SAMMSON: variants seen among roughly 807,000 people sequenced by gnomAD.
SAMMSON encodes long intergenic non-protein coding RNA 1212.
intron 6 of SAMMSON, among the ~76,000 whole-genome samples, chr3:70,255,798 A>T (rs1701810143): frequency 6.6e-6 from 1 of 152,168 alleles, no homozygotes; most frequent in Admixed American, 6.5e-5. Flanking sequence ...CCCTCTGAAC[A>T]TTAGGAATTG....
chr3:70,073,930 T>G (rs1456493201), intron 4 of SAMMSON, among the ~76,000 whole-genome samples: 2 of 152,050 alleles, frequency 1.3e-5, no homozygotes, highest in Admixed American at 1.3e-4. Flanking sequence ...TTATAGGAAT[T>G]TTAGATGTGA....
At chr3:70,059,406 T>G (rs2067179446) in intron 3 of SAMMSON, among the ~76,000 whole-genome samples, 1 of 152,058 alleles carries the variant, frequency 6.6e-6, no homozygotes, top group South Asian at 2.1e-4. Context: ...ATTCCCATGA[T>G]CTGCCATCTG....
At chr3:70,019,737 T>C (rs540543154) in intron 3 of SAMMSON, among the ~76,000 whole-genome samples, 3 of 152,314 alleles carry the variant, frequency 2.0e-5, no homozygotes, top group African/African-American at 7.2e-5. Context: ...TTCCTTTCCA[T>C]GTTTGTGCTT....
chr3:70,045,625 A>G (rs1334593792), intron 3 of SAMMSON, among the ~76,000 whole-genome samples: 2 of 152,044 alleles, frequency 1.3e-5, no homozygotes, highest in African/African-American at 4.8e-5. Flanking sequence ...GTCCAAAAAC[A>G]TGATGCATTC....
intron 2 of SAMMSON, among the ~76,000 whole-genome samples, chr3:70,431,584 AT>A (rs1394540292): frequency 6.6e-6 from 1 of 152,082 alleles, no homozygotes; most frequent in African/African-American, 2.4e-5. Flanking sequence ...AATATATTTT[AT>A]TGTGCTGGCC....
chr3:70,354,929 A>G (rs1022043737), intron 8 of SAMMSON, among the ~76,000 whole-genome samples: 5 of 152,090 alleles, frequency 3.3e-5, no homozygotes, highest in African/African-American at 1.2e-4. Context: ...AAATCCTTGG[A>G]CTTTTAATCA....
chr3:70,113,950 T>G (rs1170889829), intron 4 of SAMMSON, among the ~76,000 whole-genome samples: 1 of 152,194 alleles, frequency 6.6e-6, no homozygotes, highest in African/African-American at 2.4e-5. Context: ...AAATGGCACC[T>G]TGATCTTGGA....
At chr3:70,113,543 G>A (rs2067398291) in intron 4 of SAMMSON, among the ~76,000 whole-genome samples, 1 of 152,182 alleles carries the variant, frequency 6.6e-6, no homozygotes. Context: ...GATTTAAATA[G>A]TGAAGGCAGA....
At chr3:70,180,893 G>C (rs1379225832) in intron 4 of SAMMSON, among the ~76,000 whole-genome samples, 1 of 152,174 alleles carries the variant, frequency 6.6e-6, no homozygotes, top group Non-Finnish European at 1.5e-5. Flanking sequence ...GGTGGGGAAA[G>C]AGAACAAAGC....
intron 3 of SAMMSON, among the ~76,000 whole-genome samples, chr3:70,021,349 C>G (rs965611897): frequency 6.6e-6 from 1 of 152,038 alleles, no homozygotes; most frequent in Non-Finnish European, 1.5e-5. Context: ...TATATGGCCT[C>G]TTTTTCAGCC....
chr3:70,404,458 T>A (rs1701164514), intron 2 of SAMMSON, among the ~76,000 whole-genome samples: 1 of 152,042 alleles, frequency 6.6e-6, no homozygotes, highest in Admixed American at 6.5e-5. Flanking sequence ...GAAGACCAGA[T>A]GGGAAGGAGC....
intron 6 of SAMMSON, among the ~76,000 whole-genome samples, chr3:70,277,670 G>A (rs1176297319): frequency 2.0e-5 from 3 of 152,148 alleles, no homozygotes; most frequent in African/African-American, 7.2e-5. Flanking sequence ...CGAGTATGGG[G>A]AGGATCTCAC....
intron 6 of SAMMSON, among the ~76,000 whole-genome samples, chr3:70,253,465 T>C (rs937176780): frequency 1.3e-5 from 2 of 152,000 alleles, no homozygotes; most frequent in Admixed American, 6.5e-5. Context: ...TTGAAAATGT[T>C]TCATCCAGCT....
intron 4 of SAMMSON, among the ~76,000 whole-genome samples, chr3:70,242,991 A>G (rs1262058933): frequency 2.6e-5 from 4 of 152,218 alleles, no homozygotes; most frequent in Non-Finnish European, 5.9e-5. Context: ...CTAATTTCCC[A>G]AGAGCAGAAC....
In SAMMSON at chr3:70,259,416, T is replaced by A. The variant is rs536180100; in HGVS notation, n.674+9746T>A. Among the ~76,000 whole-genome samples the A allele has an allele frequency of 8.9e-3, 1,285 of 144,268 alleles. 7 individuals are homozygous for A. The highest frequency in any genetic ancestry group is 0.014 in the Admixed American group (200 of 14,464). 94.6% of individuals were successfully genotyped at this position (144,268 alleles called of 152,430 possible). A position where few individuals can be genotyped will look rare whatever the true frequency, so the allele number is the denominator to read the frequency against. On this transcript the variant is annotated intron_variant and non_coding_transcript_variant, in intron 6 of 9. Coordinates refer to ENST00000642114, the Ensembl canonical transcript of SAMMSON. ...CCTTGAATAAAAATTTATTGACTTTTAAAAAAAAAAAAGAAAGAAAGTAAG... is the reference window on the plus strand; with the variant it reads ...CCTTGAATAAAAATTTATTGACTTTAAAAAAAAAAAAAGAAAGAAAGTAAG...
At chr3:70,215,539 A>G (rs1182411354) in intron 4 of SAMMSON, among the ~76,000 whole-genome samples, 1 of 152,076 alleles carries the variant, frequency 6.6e-6, no homozygotes, top group Non-Finnish European at 1.5e-5. Flanking sequence ...AAAGCCCACT[A>G]TAAGAAGCTT....
rs146170335 is a variant in SAMMSON, at chr3:70,098,453, C to T, written n.507+26888C>T. Among the ~76,000 whole-genome samples the T allele has an allele frequency of 6.8e-3, 1,036 of 152,086 alleles. 7 individuals are homozygous for T. The highest frequency in any genetic ancestry group is 0.031 in the Middle Eastern group (9 of 294). On this transcript the variant is annotated intron_variant and non_coding_transcript_variant, in intron 4 of 9. Transcript: ENST00000642114. ...CACAGTCTCGGCTCACTGCAACTTC[C>T]ACCTCCCTGGTTCAAGCAATTCTCC...
At chr3:70,384,138 A>G (rs1202264753) in intron 9 of SAMMSON, among the ~76,000 whole-genome samples, 1 of 152,122 alleles carries the variant, frequency 6.6e-6, no homozygotes, top group Non-Finnish European at 1.5e-5. Flanking sequence ...AATCTACACC[A>G]GTCACACTGA....
intron 3 of SAMMSON, among the ~76,000 whole-genome samples, chr3:70,026,519 A>T (rs2067037528): frequency 6.6e-6 from 1 of 152,230 alleles, no homozygotes; most frequent in Admixed American, 6.5e-5. Context: ...AGACTGCAGA[A>T]ATATTGAAGA....
Sources: allele counts gnomAD v4.1 joint callset (sites outside exome capture counted in the v4.1 genomes callset), GRCh38; gene constraint gnomAD v4.1.1; transcripts MANE v1.5; gene names NCBI Gene and HGNC (gene_info 2026-07-23, HGNC 2026-07-21).